Variants in DST observed in about 807,000 individuals in gnomAD.
The protein encoded by DST is bullous pemphigoid antigen.
In DST, 253 loss-of-function variants were observed where a neutral mutation model predicts 875.2. The ratio of observed to expected loss-of-function variants is 0.29; its 90% confidence interval spans 0.26 to 0.32. DST has a LOEUF of 0.32. Among genes scored for constraint, DST ranks in the 10% least tolerant of loss-of-function variants. The pLI is 1.00. For missense variants in DST, 8,287 were observed against 9,111.6 expected (o/e 0.91, Z 3.68); for synonymous variants, 3,124 against 3,197.1 (o/e 0.98, Z 0.77).
At chr6:56,851,901 T>C in intron 3 of DST, 2 of 1,546,766 alleles carry the variant, frequency 1.3e-6, no homozygotes, top group Non-Finnish European at 1.7e-6. Flanking sequence ...AGCTCACAAA[T>C]GACTGGCCCA....
intron 36 of DST, chr6:56,616,746 CT>C: frequency 1.2e-6 from 2 of 1,614,162 alleles, no homozygotes; most frequent in Non-Finnish European, 1.7e-6. Flanking sequence ...ATATGTTTAC[CT>C]TTTTGTCTGT....
chr6:56,488,570 A>T (rs112800204), intron 86 of DST, among the ~76,000 whole-genome samples: 12 of 151,968 alleles, frequency 7.9e-5, no homozygotes, highest in African/African-American at 2.9e-4. Context: ...TCTAATCATG[A>T]CCTCCTAAGG....
intron 53 of DST, among the ~76,000 whole-genome samples, chr6:56,571,769 T>C (rs1439906159): frequency 6.6e-6 from 1 of 152,218 alleles, no homozygotes; most frequent in Non-Finnish European, 1.5e-5. Context: ...ATTTCTGCCT[T>C]TGCAAATAAA....
At chr6:56,877,412 C>T (rs1381962719) in intron 3 of DST, among the ~76,000 whole-genome samples, 3 of 152,182 alleles carry the variant, frequency 2.0e-5, no homozygotes, top group South Asian at 4.1e-4. Context: ...AAAAATTAGC[C>T]GGGCATGGTG....
chr6:56,529,543 T>C lies in DST; in HGVS notation c.17500A>G (p.Met5834Val), dbSNP rs1294376246. ...TCATGCACTTCATTCAGCCAGTTCA[T>C]CAGTTCAACTTCATCTTCCCCAAAA... ...KIFGEDEVEL[M>V]NWLNEVHDKL... Residue 5834 changes from methionine (M) to valine (V), a missense_variant, in exon 66 of 104, where the codon ATG becomes GTG. Physicochemically the swap from Met to Val is conservative, Grantham distance 21. This residue lies in a region of DST where 777 missense variants were observed against 764.8 expected (regional missense o/e 1.02). Transcript: ENST00000680361. 3 of 1,613,530 alleles carry C rather than the reference T, an allele frequency of 1.9e-6. No homozygotes were observed. Among genetic ancestry groups the C allele is most frequent in the Non-Finnish European group, 2.5e-6 (3 of 1,179,702 alleles).
chr6:56,938,790 G>C (rs186265648), intron 2 of DST, among the ~76,000 whole-genome samples: 155 of 152,230 alleles, frequency 1.0e-3, no homozygotes, highest in Admixed American at 2.6e-3. Context: ...AACCACATGT[G>C]AACCAGCCTG....
chr6:56,465,362 G>GT (rs796980384), intron 99 of DST, among the ~76,000 whole-genome samples: 1 of 152,064 alleles, frequency 6.6e-6, no homozygotes, highest in African/African-American at 2.4e-5. Context: ...CAATTTTATT[G>GT]TTTTTTTCTT....
chr6:56,585,541 A>C lies in DST; in HGVS notation c.12904-6604T>G, dbSNP rs527560682. Among the ~76,000 whole-genome samples, 16 of 152,096 alleles carry C rather than the reference A, an allele frequency of 1.1e-4. No homozygotes were observed. The East Asian group carries it at 3.1e-3, about 29-fold the overall frequency. On this transcript the variant is annotated intron_variant, in intron 49 of 103. Transcript: ENST00000680361. ...TCAATTTTGTTGATCCTTTCAAAAA[A>C]CCAGCTCCTGGATTCATTGATCTTT...
intron 5 of DST, among the ~76,000 whole-genome samples, chr6:56,718,623 T>C (rs1453822933): frequency 6.6e-6 from 1 of 152,214 alleles, no homozygotes; most frequent in East Asian, 1.9e-4. Context: ...TATAGCAGCA[T>C]TGTTCACAAG....
chr6:56,574,398 G>A (rs142838653), intron 50 of DST, among the ~76,000 whole-genome samples: 2 of 151,950 alleles, frequency 1.3e-5, no homozygotes, highest in African/African-American at 2.4e-5. Context: ...TCATACACAC[G>A]CATGCTAAGC....
Position 56,493,250 on chromosome 6 carries a change from C to T in DST, c.20395-161G>A, listed in dbSNP as rs540369202. Among the ~76,000 whole-genome samples the T allele has an allele frequency of 1.1e-4, 17 of 152,188 alleles. No homozygotes were observed. The South Asian group carries it at 3.1e-3, about 28-fold the overall frequency. ...TATCTTATAAATGTAATGGGCCTCA[C>T]TAAAATACTGGCAAACCAAAACCCT... On this transcript the variant is annotated intron_variant, in intron 83 of 103. Transcript: ENST00000680361.
At chr6:56,790,418 T>A (rs1461430679) in intron 4 of DST, among the ~76,000 whole-genome samples, 1 of 152,194 alleles carries the variant, frequency 6.6e-6, no homozygotes, top group Non-Finnish European at 1.5e-5. Flanking sequence ...TCACTATGCA[T>A]GCTACATTTT....
chr6:56,618,533 T>TC lies in DST; in HGVS notation c.4930-4050dup, dbSNP rs868467486. Reference sequence around the variant, plus strand: ...AACCTCACGCTTCTGGGCTATCAGCTCATCCTCAAGTTTCTGACATTTTTG... The same window carrying TC: ...AACCTCACGCTTCTGGGCTATCAGCTCCATCCTCAAGTTTCTGACATTTTTG... On this transcript the variant is annotated intron_variant, in intron 36 of 103. Coordinates refer to ENST00000680361, the MANE Select transcript of DST (RefSeq NM_001374736.1). The TC allele has an allele frequency of 3.7e-6, 6 of 1,614,110 alleles. No individual in the cohort carries two copies. The African/African-American group carries it at 8.0e-5, about 22-fold the overall frequency.
At chr6:56,518,491 T>C (rs975021412) in intron 69 of DST, among the ~76,000 whole-genome samples, 2 of 152,124 alleles carry the variant, frequency 1.3e-5, no homozygotes, top group Admixed American at 6.6e-5. Context: ...TTTCAAATAA[T>C]ACCATTATAT....
intron 3 of DST, among the ~76,000 whole-genome samples, chr6:56,896,796 C>T (rs991244472): frequency 6.6e-6 from 1 of 152,218 alleles, no homozygotes; most frequent in African/African-American, 2.4e-5. Flanking sequence ...CCTTAGCCCA[C>T]TTTCTGATGG....
intron 15 of DST, among the ~76,000 whole-genome samples, chr6:56,644,918 C>T (rs574312227): frequency 6.6e-5 from 10 of 152,192 alleles, no homozygotes; most frequent in South Asian, 4.2e-4. Context: ...ATCACGGGGG[C>T]GATTTCCCCC....
chr6:56,824,892 G>A (rs1333301908), intron 4 of DST, among the ~76,000 whole-genome samples: 1 of 149,842 alleles, frequency 6.7e-6, no homozygotes, highest in Non-Finnish European at 1.5e-5. Context: ...TCAGCCCCCC[G>A]CCCGGCCAGC....
At chr6:56,764,983 G>A (rs1176241118) in intron 4 of DST, among the ~76,000 whole-genome samples, 1 of 130,146 alleles carries the variant, frequency 7.7e-6, no homozygotes. Context: ...GGGAGGGAGG[G>A]AGGGAGGGAG....
At chr6:56,590,416 TTAAAA>T (rs1270411953) in intron 49 of DST, among the ~76,000 whole-genome samples, 35 of 152,304 alleles carry the variant, frequency 2.3e-4, no homozygotes, top group African/African-American at 7.5e-4. Context: ...TTTTCTATAC[TTAAAA>T]TAACTTCCTA....
Sources: gnomAD v4.1 joint callset for allele counts (sites outside exome capture counted in the v4.1 genomes callset) on GRCh38, gnomAD v4.1.1 for gene constraint, gnomAD v4.1.1 regional missense constraint, MANE v1.5 for transcripts, NCBI Gene and HGNC (gene_info 2026-07-23, HGNC 2026-07-21) for gene names.